The following REXO5 variants were observed in gnomAD, a reference collection of about 807,000 sequenced individuals.
The protein encoded by REXO5 is RNA exonuclease 5.
A neutral mutation model predicts 88.5 loss-of-function variants in REXO5; 48 were observed. That is an observed-to-expected ratio of 0.54 (90% CI 0.43 to 0.69). The LOEUF (loss-of-function observed/expected upper bound fraction) is 0.69, where lower values mean the gene tolerates loss of function less well. REXO5 is among the 30% of genes least tolerant of loss of function. The pLI is 0.00. For missense variants in REXO5, 749 were observed against 912.2 expected (o/e 0.82, Z 2.30); for synonymous variants, 311 against 336.5 (o/e 0.92, Z 0.83).
chr16:20,816,706 A>T (rs1047095022), intron 5 of REXO5, among the ~76,000 whole-genome samples: 1 of 152,192 alleles, frequency 6.6e-6, no homozygotes, highest in African/African-American at 2.4e-5. Flanking sequence ...CAGGAACCAC[A>T]GCCAGGGTTC....
chr16:20,843,864 C>T (rs1743943852), intron 15 of REXO5, 70 bp from the exon 16 acceptor site: 1 of 1,135,874 alleles, frequency 8.8e-7, no homozygotes, highest in African/African-American at 1.5e-5. Flanking sequence ...AGTTTGAATC[C>T]TTTCCCCAAC....
At chr16:20,838,539 T>C (rs1302949079) in intron 13 of REXO5, among the ~76,000 whole-genome samples, 1 of 152,180 alleles carries the variant, frequency 6.6e-6, no homozygotes, top group Non-Finnish European at 1.5e-5. Flanking sequence ...AGAGATTTCA[T>C]GACCTCCCAA....
rs140836762 is a variant in REXO5 at position 20,845,091 on chromosome 16, C to T, written c.1974C>T (p.Asn658=). The change falls in exon 18 of 20, where the codon AAC becomes AAT. Residue 658 remains asparagine, a synonymous_variant. Coordinates refer to ENST00000261377, the MANE Select transcript of REXO5 (RefSeq NM_030941.3). ...TTGGCAGTGCCCAGCAGGCCCTCAA[C>T]ATTCTCACAGGCAAGGACTGGAAGC... ...KSFGSAQQAL[N]ILTGKDWKLK... is the part of the protein sequence containing the mutation. 4.7e-4 allele frequency: 763 copies of T among 1,614,150 alleles called. 4 individuals carry two copies. The East Asian group carries it at 0.014, about 31-fold the overall frequency.
At chr16:20,829,911 G>A (rs2081315451) in intron 11 of REXO5, among the ~76,000 whole-genome samples, 1 of 152,208 alleles carries the variant, frequency 6.6e-6, no homozygotes, top group African/African-American at 2.4e-5. Context: ...AGGCTTTGCA[G>A]ATCATATTGT....
At chr16:20,833,381 T>C (rs1344882426) in intron 13 of REXO5, among the ~76,000 whole-genome samples, 1 of 152,250 alleles carries the variant, frequency 6.6e-6, no homozygotes, top group Non-Finnish European at 1.5e-5. Flanking sequence ...GTTGTGTTTC[T>C]GGTTCATGGA....
At chr16:20,833,815 T>C (rs141669189) in intron 13 of REXO5, among the ~76,000 whole-genome samples, 2,299 of 152,326 alleles carry the variant, frequency 0.015, 22 homozygotes, top group South Asian at 0.033. Flanking sequence ...AATATTATTT[T>C]ATATAACCAC....
chr16:20,811,044 C>T (rs1005904086), intron 2 of REXO5, among the ~76,000 whole-genome samples: 6 of 152,264 alleles, frequency 3.9e-5, no homozygotes, highest in Non-Finnish European at 8.8e-5. Context: ...GCCCTCCCTT[C>T]CTTCCTGTAT....
chr16:20,824,634 T>C (rs369148059), intron 7 of REXO5, 107 bp downstream of exon 7: 6 of 719,828 alleles, frequency 8.3e-6, no homozygotes, highest in African/African-American at 5.4e-5. Flanking sequence ...TCATTTTTAG[T>C]ATTCTGTTTT....
intron 6 of REXO5, among the ~76,000 whole-genome samples, chr16:20,822,317 C>T (rs1436148806): frequency 6.6e-6 from 1 of 152,154 alleles, no homozygotes; most frequent in Non-Finnish European, 1.5e-5. Context: ...GGTCTAGGCT[C>T]GGAGCCTTGG....
intron 12 of REXO5, 150 bp from the exon 13 acceptor site, chr16:20,832,853 G>A: frequency 1.6e-6 from 1 of 631,632 alleles, no homozygotes; most frequent in Non-Finnish European, 2.5e-6. Flanking sequence ...TAGTGCAGTT[G>A]AGGAACTGAA....
intron 8 of REXO5, 124 bp from the exon 9 acceptor site, chr16:20,826,934 A>C: frequency 2.2e-6 from 2 of 900,686 alleles, no homozygotes; most frequent in Non-Finnish European, 3.2e-6. Context: ...CTTATTTGTC[A>C]CTTTGGACAC....
In REXO5 at chr16:20,844,816, G is replaced by C. The variant is rs757683060; in HGVS notation, c.1907G>C (p.Ser636Thr). 1.2e-6 allele frequency: 2 copies of C among 1,614,118 alleles called. No individual in the cohort carries two copies. The highest frequency in any genetic ancestry group is 2.2e-5 in the South Asian group (2 of 91,076). The change falls in exon 17 of 20, where the codon AGT becomes ACT. Residue 636 changes from serine to threonine, a missense_variant. Ser to Thr is a moderately conservative substitution (Grantham distance 58). Coordinates refer to ENST00000261377, the MANE Select transcript of REXO5 (RefSeq NM_030941.3). ...GTGATCTTGCCTAAAGATCTTAAAAGTGGAAAGCAGAAAAAATACTGTTTC... is the reference window on the plus strand; with the variant it reads ...GTGATCTTGCCTAAAGATCTTAAAACTGGAAAGCAGAAAAAATACTGTTTC... ...EAVILPKDLK[S>T]GKQKKYCFLK...
chr16:20,820,522 A>ATATATATATATAAT, intron 5 of REXO5, among the ~76,000 whole-genome samples: 1 of 2,096 alleles, frequency 4.8e-4, no homozygotes, highest in South Asian at 0.028. Flanking sequence ...TTATATATAT[A>ATATATATATATAAT]TATATATATA....
intron 7 of REXO5, among the ~76,000 whole-genome samples, chr16:20,824,820 C>T (rs567888556): frequency 6.6e-6 from 1 of 152,002 alleles, no homozygotes; most frequent in Admixed American, 6.5e-5. Context: ...CCATCCTGGC[C>T]AACATGGTGA....
At chr16:20,831,734 CTT>C (rs1457275643) in intron 11 of REXO5, among the ~76,000 whole-genome samples, 1 of 151,602 alleles carries the variant, frequency 6.6e-6, no homozygotes, top group Non-Finnish European at 1.5e-5. Context: ...AATAAATAGT[CTT>C]TTTAAAAAAT....
At chr16:20,819,447 CTTTTTTTTT>C (rs35337424) in intron 5 of REXO5, among the ~76,000 whole-genome samples, 1 of 123,456 alleles carries the variant, frequency 8.1e-6, no homozygotes, top group Non-Finnish European at 1.7e-5. Context: ...TTCTTTCCTC[CTTTTTTTTT>C]TTTTTTTTTT....
At chr16:20,825,806 C>A in intron 7 of REXO5, 27 bp from the exon 8 acceptor site, 1 of 1,498,544 alleles carries the variant, frequency 6.7e-7, no homozygotes, top group Non-Finnish European at 9.3e-7. Context: ...CACAGTTCAG[C>A]AGCCTGACTA....
chr16:20,819,398 C>T (rs1596576044), intron 5 of REXO5, among the ~76,000 whole-genome samples: 1 of 149,204 alleles, frequency 6.7e-6, no homozygotes, highest in Non-Finnish European at 1.5e-5. Context: ...CTTTCCTTTC[C>T]TTTCTTTTCC....
intron 6 of REXO5, 116 bp downstream of exon 6, chr16:20,822,018 T>C: frequency 4.8e-6 from 5 of 1,034,726 alleles, no homozygotes; most frequent in Non-Finnish European, 6.7e-6. Flanking sequence ...TTATTCTTAT[T>C]TCATCTTCTA....
Sources: allele counts gnomAD v4.1 joint callset (sites outside exome capture counted in the v4.1 genomes callset), GRCh38; gene constraint gnomAD v4.1.1; transcripts MANE v1.5; gene names NCBI Gene and HGNC (gene_info 2026-07-23, HGNC 2026-07-21).